The following CDH2 variants were observed in gnomAD, a reference collection of about 807,000 sequenced individuals.
The protein encoded by CDH2 is cadherin-2.
A neutral mutation model predicts 92.0 loss-of-function variants in CDH2; 17 were observed. The observed-to-expected ratio is 0.18, with a 90% CI of 0.13 to 0.28. The LOEUF is 0.28. Among genes scored for constraint, CDH2 ranks in the 10% least tolerant of loss-of-function variants. CDH2 has a pLI of 1.00. For missense variants in CDH2, 862 were observed against 1,133.1 expected, an observed-to-expected ratio of 0.76 and a Z score of 3.44; for synonymous variants, 419 against 415.9, an observed-to-expected ratio of 1.01 and a Z score of -0.09.
At chr18:28,038,421 A>G (rs904251864) in intron 2 of CDH2, among the ~76,000 whole-genome samples, 3 of 104,942 alleles carry the variant, frequency 2.9e-5, no homozygotes, top group African/African-American at 4.0e-5. Flanking sequence ...ACCTTGTCTC[A>G]AGTGTGTGTG....
At chr18:28,156,328 C>A (rs2016209812) in intron 1 of CDH2, among the ~76,000 whole-genome samples, 1 of 152,170 alleles carries the variant, frequency 6.6e-6, no homozygotes, top group Admixed American at 6.5e-5. Context: ...TAAAAGGCAG[C>A]CCCACAATAC....
At chr18:28,060,331 G>A (rs1410473270) in intron 2 of CDH2, among the ~76,000 whole-genome samples, 4 of 152,056 alleles carry the variant, frequency 2.6e-5, no homozygotes, top group South Asian at 2.1e-4. Flanking sequence ...GACTACAGGC[G>A]CGTGCTACCA....
intron 2 of CDH2, among the ~76,000 whole-genome samples, chr18:28,069,192 T>C (rs2014569544): frequency 6.6e-6 from 1 of 152,200 alleles, no homozygotes; most frequent in African/African-American, 2.4e-5. Flanking sequence ...TATCTTTATA[T>C]GACAGTATTT....
chr18:27,950,248 ATATAAG>A (rs1333259891), downstream of CDH2, among the ~76,000 whole-genome samples: 1 of 152,144 alleles, frequency 6.6e-6, no homozygotes, highest in African/African-American at 2.4e-5. Flanking sequence ...GAGGTATATT[ATATAAG>A]TGTTTTCAAT....
At chr18:28,087,549 G>A (rs1032811259) in intron 2 of CDH2, among the ~76,000 whole-genome samples, 3 of 151,866 alleles carry the variant, frequency 2.0e-5, no homozygotes, top group African/African-American at 7.3e-5. Flanking sequence ...TTTACTCCTG[G>A]GACAGTCTTC....
chr18:28,094,115 TTTAAAAGAAACCCCAGTTAGCC>T (rs1331594508), intron 2 of CDH2, among the ~76,000 whole-genome samples: 1 of 152,168 alleles, frequency 6.6e-6, no homozygotes, highest in Non-Finnish European at 1.5e-5. Flanking sequence ...ATAATCTCCC[TTTAAAAGAAACCCCAGTTAGCC>T]TAGTGGATGT....
intron 14 of CDH2, among the ~76,000 whole-genome samples, chr18:27,981,324 AGATT>A (rs1318446792): frequency 1.3e-5 from 2 of 152,220 alleles, no homozygotes; most frequent in Admixed American, 1.3e-4. Context: ...GTGAAAGGAT[AGATT>A]AATTAAAGAA....
chr18:28,096,353 T>C (rs575562853), intron 2 of CDH2, among the ~76,000 whole-genome samples: 1 of 150,656 alleles, frequency 6.6e-6, no homozygotes, highest in East Asian at 1.9e-4. Flanking sequence ...ATCAAAGATG[T>C]ATAAATTAAA....
intron 2 of CDH2, among the ~76,000 whole-genome samples, chr18:28,016,884 ATT>A (rs2013264098): frequency 6.6e-6 from 1 of 152,060 alleles, no homozygotes; most frequent in African/African-American, 2.4e-5. Flanking sequence ...TGATCATGTT[ATT>A]TTTTGTTTTT....
chr18:28,005,313 C>T (rs1294670829), intron 6 of CDH2, among the ~76,000 whole-genome samples: 3 of 152,278 alleles, frequency 2.0e-5, no homozygotes, highest in East Asian at 1.9e-4. Flanking sequence ...GCAGGGGACA[C>T]GCTGGCCACC....
At chr18:28,004,063 T>A (rs2012845649) in intron 6 of CDH2, among the ~76,000 whole-genome samples, 1 of 152,218 alleles carries the variant, frequency 6.6e-6, no homozygotes, top group African/African-American at 2.4e-5. Context: ...TGTGCTTTGG[T>A]AATATTATTC....
intron 2 of CDH2, among the ~76,000 whole-genome samples, chr18:28,062,016 T>C (rs1030981578): frequency 2.0e-5 from 3 of 152,184 alleles, no homozygotes; most frequent in Non-Finnish European, 4.4e-5. Context: ...CACAGCAATT[T>C]GTACACAGCC....
intron 1 of CDH2, chr18:28,159,265 T>A (rs2016268721): frequency 6.6e-6 from 1 of 152,212 alleles, no homozygotes; most frequent in Non-Finnish European, 1.5e-5. Flanking sequence ...TCATTTTCCA[T>A]GCTGGGAGCT....
chr18:28,062,662 AC>A (rs1300343652), intron 2 of CDH2, among the ~76,000 whole-genome samples: 20 of 152,334 alleles, frequency 1.3e-4, no homozygotes, highest in African/African-American at 4.3e-4. Flanking sequence ...AATGGAATGA[AC>A]TATCACCAGT....
At chr18:28,090,401 C>G (rs2015015117) in intron 2 of CDH2, among the ~76,000 whole-genome samples, 2 of 152,132 alleles carry the variant, frequency 1.3e-5, no homozygotes, top group Non-Finnish European at 2.9e-5. Context: ...AAATCTCACC[C>G]ATCTCCTTCA....
intron 2 of CDH2, among the ~76,000 whole-genome samples, chr18:28,055,497 TGAA>T (rs972756586): frequency 1.3e-5 from 2 of 152,100 alleles, no homozygotes; most frequent in Admixed American, 1.3e-4. Flanking sequence ...GTGTAAAGGG[TGAA>T]GAAGAGTTAT....
chr18:28,033,993 CG>C (rs1201527503), intron 2 of CDH2, among the ~76,000 whole-genome samples: 1 of 151,984 alleles, frequency 6.6e-6, no homozygotes, highest in African/African-American at 2.4e-5. Flanking sequence ...GCCATACTCT[CG>C]ATTAGTCTGA....
At chr18:28,100,159 T>C (rs2015204149) in intron 2 of CDH2, among the ~76,000 whole-genome samples, 1 of 152,152 alleles carries the variant, frequency 6.6e-6, no homozygotes, top group Non-Finnish European at 1.5e-5. Flanking sequence ...CCAAACTTTA[T>C]TCTAGGTGTT....
chr18:28,009,593 C>A, intron 5 of CDH2, 124 bp downstream of exon 5: 1 of 702,786 alleles, frequency 1.4e-6, no homozygotes, highest in Non-Finnish European at 2.2e-6. Flanking sequence ...AACCAAAAGA[C>A]TACAGATACA....
Sources: allele counts gnomAD v4.1 joint callset (sites outside exome capture counted in the v4.1 genomes callset), GRCh38; gene constraint gnomAD v4.1.1; transcripts MANE v1.5; gene names NCBI Gene and HGNC (gene_info 2026-07-23, HGNC 2026-07-21).